The following TGFBR3 variants were observed in gnomAD, a reference collection of about 807,000 sequenced individuals.
TGFBR3 encodes transforming growth factor beta receptor type 3.
In TGFBR3, 46 loss-of-function variants were observed where a neutral mutation model predicts 87.9. The ratio of observed to expected loss-of-function variants is 0.52; its 90% CI spans 0.41 to 0.67. The LOEUF (loss-of-function observed/expected upper bound fraction) is 0.67, where lower values mean the gene tolerates loss of function less well. Ranked by LOEUF, TGFBR3 falls within the 30% of genes least tolerant of loss-of-function variation. The pLI is 0.00. For synonymous variants in TGFBR3, 381 were observed against 391.6 expected (o/e 0.97, Z 0.32); for missense variants, 866 against 1,041.9 (o/e 0.83, Z 2.32).
intron 2 of TGFBR3, among the ~76,000 whole-genome samples, chr1:91,854,421 T>C (rs567297200): frequency 1.9e-4 from 29 of 152,004 alleles, no homozygotes; most frequent in African/African-American, 6.8e-4. Context: ...TCCAAGGTGG[T>C]AGGAACATGC....
chr1:91,884,789 G>T (rs1243040871), intron 1 of TGFBR3, among the ~76,000 whole-genome samples: 1 of 152,262 alleles, frequency 6.6e-6, no homozygotes, highest in African/African-American at 2.4e-5. Context: ...AGTTCACACT[G>T]AAGTAACTGT....
upstream of TGFBR3, among the ~76,000 whole-genome samples, chr1:91,889,143 C>T (rs1455205702): frequency 6.6e-6 from 1 of 152,160 alleles, no homozygotes; most frequent in Non-Finnish European, 1.5e-5. Flanking sequence ...CCTTGGCCTC[C>T]CAAACTGCTG....
intron 3 of TGFBR3, among the ~76,000 whole-genome samples, chr1:91,791,227 G>C (rs1419664078): frequency 6.6e-6 from 1 of 152,142 alleles, no homozygotes; most frequent in Admixed American, 6.5e-5. Context: ...TATAAGCAGA[G>C]GACAGGTGAG....
At chr1:91,881,757 G>C (rs889357601) in intron 1 of TGFBR3, among the ~76,000 whole-genome samples, 2 of 152,048 alleles carry the variant, frequency 1.3e-5, no homozygotes, top group Non-Finnish European at 1.5e-5. Context: ...ACATAATATG[G>C]GGCCGGGCAC....
chr1:91,849,387 T>C (rs1372797325), intron 2 of TGFBR3, among the ~76,000 whole-genome samples: 3 of 152,158 alleles, frequency 2.0e-5, no homozygotes, highest in African/African-American at 7.2e-5. Context: ...CCACCTGCTA[T>C]TGCCTGAGCA....
At chr1:91,856,494 C>T (rs970444704) in intron 2 of TGFBR3, among the ~76,000 whole-genome samples, 1 of 152,032 alleles carries the variant, frequency 6.6e-6, no homozygotes, top group Non-Finnish European at 1.5e-5. Flanking sequence ...TCACTGAAGG[C>T]CCAGACAAAC....
In TGFBR3 at chr1:91,680,604, T is replaced by C. The variant is rs770086149; in HGVS notation, c.*3135A>G. On this transcript the variant is annotated 3_prime_UTR_variant, in exon 17 of 17. Coordinates refer to ENST00000212355, the MANE Select transcript of TGFBR3 (RefSeq NM_003243.5). ...TATTGTATTTGGAAACTGATAATAG[T>C]CCTTTTTAGAAAAACATCTGTCAGT... 1 of 453,948 alleles carries C rather than the reference T, an allele frequency of 2.2e-6. No individual in the cohort carries two copies. 28.1% of individuals were successfully genotyped at this position (453,948 alleles called of 1,614,324 possible).
intron 2 of TGFBR3, among the ~76,000 whole-genome samples, chr1:91,840,624 T>C (rs572820518): frequency 5.3e-5 from 8 of 152,234 alleles, no homozygotes; most frequent in African/African-American, 1.9e-4. Flanking sequence ...TTATATAATA[T>C]TTTAAAAATC....
At chr1:91,758,546 T>G in intron 4 of TGFBR3, 67 bp downstream of exon 4, 6 of 1,589,108 alleles carry the variant, frequency 3.8e-6, no homozygotes, top group Non-Finnish European at 4.3e-6. Flanking sequence ...ATGAAAAGTT[T>G]GGCAAAGTTT....
At chr1:91,723,617 A>G (rs1672450222) in intron 7 of TGFBR3, among the ~76,000 whole-genome samples, 1 of 152,116 alleles carries the variant, frequency 6.6e-6, no homozygotes, top group African/African-American at 2.4e-5. Context: ...AGGACATGGA[A>G]GGTAAATTTA....
intron 3 of TGFBR3, among the ~76,000 whole-genome samples, chr1:91,785,323 T>TG (rs947092700): frequency 2.0e-5 from 3 of 152,182 alleles, no homozygotes; most frequent in African/African-American, 4.8e-5. Flanking sequence ...TGCCGGGTCG[T>TG]GGGGGGCACA....
At position 91,905,825 on chromosome 1, in the gene TGFBR3, C is replaced by A. The variant is rs1462174992; in HGVS notation, c.-175+1G>T. 1.3e-5 allele frequency: 2 copies of A among 152,224 alleles called. No homozygotes were observed. Among genetic ancestry groups the A allele is most frequent in the Non-Finnish European group, 2.9e-5 (2 of 68,060 alleles). The allele number at this position is 152,224 out of a possible 1,614,324, so 9.4% of individuals were successfully genotyped here. ...GCTTAAGCAAAAAAGAAGGTACTGA[C>A]CTCAATGTTGCCAGAGCTCTGCTTC... On this transcript the variant is annotated splice_donor_variant, in intron 1 of 17. Transcript: ENST00000370399. LOFTEE classifies it low-confidence loss of function (5UTR_SPLICE).
chr1:91,745,161 T>TA (rs1256628709), intron 4 of TGFBR3, among the ~76,000 whole-genome samples: 1 of 152,194 alleles, frequency 6.6e-6, no homozygotes. Flanking sequence ...TGTCCGTGAC[T>TA]TTGGCATTGG....
intron 4 of TGFBR3, among the ~76,000 whole-genome samples, chr1:91,742,020 T>G (rs1673176671): frequency 6.6e-6 from 1 of 152,170 alleles, no homozygotes; most frequent in Non-Finnish European, 1.5e-5. Flanking sequence ...CTACTCACAG[T>G]TGTAGAACAC....
chr1:91,700,015 T>C (rs2100728517), intron 14 of TGFBR3, among the ~76,000 whole-genome samples: 1 of 152,384 alleles, frequency 6.6e-6, no homozygotes, highest in South Asian at 2.1e-4. Flanking sequence ...GTGAAAATTA[T>C]ATGAAATTCA....
At chr1:91,825,914 G>C (rs746471804) in intron 2 of TGFBR3, among the ~76,000 whole-genome samples, 1 of 151,360 alleles carries the variant, frequency 6.6e-6, no homozygotes, top group African/African-American at 2.4e-5. Flanking sequence ...CCAGGAGGCA[G>C]AGGTTGCAGT....
chr1:91,828,381 C>T (rs1004210557), intron 2 of TGFBR3, among the ~76,000 whole-genome samples: 2 of 152,206 alleles, frequency 1.3e-5, no homozygotes, highest in African/African-American at 4.8e-5. Flanking sequence ...ACAGGTATCT[C>T]AGCCAAGACA....
chr1:91,753,371 G>A (rs1269026908), intron 4 of TGFBR3, among the ~76,000 whole-genome samples: 1 of 121,562 alleles, frequency 8.2e-6, no homozygotes, highest in African/African-American at 3.1e-5. Context: ...GCCTGAGTAA[G>A]GGAGTGAGAC....
At chr1:91,690,007 G>A (rs528764310) in intron 16 of TGFBR3, among the ~76,000 whole-genome samples, 1 of 152,200 alleles carries the variant, frequency 6.6e-6, no homozygotes, top group Admixed American at 6.5e-5. Context: ...AAAGATAACA[G>A]CAATAAAATA....
Sources: allele counts gnomAD v4.1 joint callset (sites outside exome capture counted in the v4.1 genomes callset), GRCh38; gene constraint gnomAD v4.1.1; transcripts MANE v1.5; gene names NCBI Gene and HGNC (gene_info 2026-07-23, HGNC 2026-07-21).